AGBL2: variants seen among roughly 807,000 people sequenced by gnomAD.
AGBL2 encodes the protein AGBL carboxypeptidase 2, also known as cytosolic carboxypeptidase 2.
In AGBL2, 87 loss-of-function variants were observed where a neutral mutation model predicts 103.0. The observed-to-expected ratio is 0.84, with a 90% CI of 0.71 to 1.01. AGBL2 has a LOEUF of 1.01. Ranked by LOEUF, AGBL2 falls within the 50% of genes least tolerant of loss-of-function variation. The probability of loss-of-function intolerance (pLI) is 0.00; values close to 1 mark genes in which losing one functional copy is unlikely to be tolerated. For missense variants in AGBL2, 904 were observed against 1,023.5 expected, an observed-to-expected ratio of 0.88 and a Z score of 1.59; for synonymous variants, 335 against 356.7, an observed-to-expected ratio of 0.94 and a Z score of 0.69.
chr11:47,681,498 C>CCCA, intron 12 of AGBL2, among the ~76,000 whole-genome samples: 1 of 152,098 alleles, frequency 6.6e-6, no homozygotes, highest in African/African-American at 2.4e-5. Flanking sequence ...GACAGAGTCT[C>CCCA]GCTCTGTCAC....
chr11:47,705,655 AAAG>A lies in AGBL2; in HGVS notation c.287-24_287-22del, dbSNP rs1280500340. On this transcript the variant is annotated intron_variant, in intron 5 of 18. Transcript: ENST00000525123. ...AAAGTCTGTGTCAAAAAAAAAAAAA[AAAG>A]AAAAAGAAAAAGAAGAAAGGGAATG... 1.2e-5 allele frequency: 7 copies of A among 568,532 alleles called. No individual in the cohort carries two copies. The Admixed American group carries it at 1.2e-4, about 10-fold the overall frequency. 35.2% of individuals were successfully genotyped at this position (568,532 alleles called of 1,614,324 possible). A position where few individuals can be genotyped will look rare whatever the true frequency, so the allele number is the denominator to read the frequency against.
At chr11:47,661,303 G>A (rs547418585) in intron 18 of AGBL2, among the ~76,000 whole-genome samples, 2 of 152,226 alleles carry the variant, frequency 1.3e-5, no homozygotes, top group South Asian at 4.2e-4. Flanking sequence ...TATGGTTTTT[G>A]CTACTCATAG....
intron 3 of AGBL2, among the ~76,000 whole-genome samples, chr11:47,713,403 T>A (rs2097541231): frequency 6.9e-6 from 1 of 145,124 alleles, no homozygotes; most frequent in African/African-American, 2.5e-5. Context: ...CTCGTGCCTG[T>A]AATCCCAGCT....
chr11:47,673,942 A>G (rs894371385), intron 14 of AGBL2, among the ~76,000 whole-genome samples: 15 of 150,460 alleles, frequency 1.0e-4, no homozygotes, highest in Admixed American at 8.7e-4. Flanking sequence ...TCTACTAAAA[A>G]TTAGCCAGCC....
chr11:47,704,145 TAC>T (rs2097508852), intron 7 of AGBL2, among the ~76,000 whole-genome samples: 1 of 151,868 alleles, frequency 6.6e-6, no homozygotes, highest in Admixed American at 6.6e-5. Context: ...TCCTGCCTTA[TAC>T]TTAAGCACGT....
chr11:47,714,786 C>CA, intron 1 of AGBL2, 36 bp from the exon 2 acceptor site: 1 of 881,046 alleles, frequency 1.1e-6, no homozygotes, highest in Non-Finnish European at 1.9e-6. Flanking sequence ...AAAAAACTGC[C>CA]AATACCTCCC....
In AGBL2 at chr11:47,663,099, C is replaced by A; in HGVS notation, c.2462G>T (p.Arg821Ile). 6.3e-7 allele frequency: 1 copy of A among 1,589,932 alleles called. No individual in the cohort carries two copies. Among genetic ancestry groups the A allele is most frequent in the Non-Finnish European group, 8.5e-7 (1 of 1,174,458 alleles). The change falls in exon 18 of 19, where the codon AGA (arginine) becomes ATA (isoleucine). Residue 821 changes from arginine to isoleucine, a missense_variant. Transcript: ENST00000525123. ...GTCCAGGGGGGTGTCTTTGTCTCTT[C>A]TATTTAAATTTGTCTAAAATAAATG... ...NPRLNETNLNRRDKDTPLDPS... is the reference protein window; with the variant it reads ...NPRLNETNLNIRDKDTPLDPS...
intron 8 of AGBL2, among the ~76,000 whole-genome samples, chr11:47,692,733 A>G (rs1454523460): frequency 6.6e-6 from 1 of 151,596 alleles, no homozygotes; most frequent in Non-Finnish European, 1.5e-5. Context: ...ATTTTTTTTT[A>G]AATGAATTAT....
intron 8 of AGBL2, among the ~76,000 whole-genome samples, chr11:47,695,085 G>T (rs771548208): frequency 6.6e-6 from 1 of 152,102 alleles, no homozygotes; most frequent in Non-Finnish European, 1.5e-5. Flanking sequence ...GGGAGGCAGA[G>T]GTTGCAGTGA....
At chr11:47,674,631 A>G (rs925854944) in intron 14 of AGBL2, among the ~76,000 whole-genome samples, 11 of 151,546 alleles carry the variant, frequency 7.3e-5, no homozygotes, top group African/African-American at 2.2e-4. Context: ...TTATAGCCTT[A>G]TAGGCCATTG....
chr11:47,686,479 G>A (rs1427497875), intron 10 of AGBL2, among the ~76,000 whole-genome samples: 3 of 137,114 alleles, frequency 2.2e-5, no homozygotes, highest in African/African-American at 8.4e-5. Context: ...TGTAGAGGCA[G>A]GGTGATAGAG....
intron 8 of AGBL2, among the ~76,000 whole-genome samples, chr11:47,696,327 A>C (rs982189663): frequency 6.6e-6 from 1 of 151,604 alleles, no homozygotes; most frequent in Non-Finnish European, 1.5e-5. Context: ...CAGTGGTGTG[A>C]TCTTGCCTCA....
intron 17 of AGBL2, among the ~76,000 whole-genome samples, chr11:47,665,674 G>C (rs561122912): frequency 1.3e-5 from 2 of 152,194 alleles, no homozygotes; most frequent in African/African-American, 4.8e-5. Context: ...GGCTGGTCTT[G>C]AACTCCTGGG....
chr11:47,661,787 C>CTCTG (rs2097328740), intron 18 of AGBL2, among the ~76,000 whole-genome samples: 1 of 151,736 alleles, frequency 6.6e-6, no homozygotes, highest in Non-Finnish European at 1.5e-5. Context: ...CAGAGTCTCA[C>CTCTG]TCTGTCGCCC....
chr11:47,706,396 G>A (rs1293807019), intron 4 of AGBL2, among the ~76,000 whole-genome samples: 8 of 152,064 alleles, frequency 5.3e-5, no homozygotes, highest in African/African-American at 1.4e-4. Flanking sequence ...GGCGCCTGTA[G>A]CTCCAGCTAC....
Position 47,660,227 on chromosome 11 carries a change from T to A in AGBL2, c.2655A>T (p.Arg885Ser), listed in dbSNP as rs760841776. 3.1e-6 allele frequency: 5 copies of A among 1,614,084 alleles called. No individual in the cohort carries two copies. The African/African-American group carries it at 6.7e-5, about 22-fold the overall frequency. The stretch of plus-strand genomic sequence containing the variant: ...GGTATGCCGCCATGGCAGCACAGCC[T>A]CTCTTTGTGGCAGGATATCTGCTCC... ...WPRSRYPATK[R>S]GCAAMAAYPS... The change falls in exon 19 of 19, where the codon AGA becomes AGT. Residue 885 changes from arginine (R) to serine (S), a missense_variant. Transcript: ENST00000525123.
chr11:47,666,963 A>G lies in AGBL2; in HGVS notation c.2441T>C (p.Leu814Ser). The change falls in exon 17 of 19, where the codon TTA (leucine) becomes TCA (serine). Residue 814 changes from leucine (L) to serine (S), a missense_variant. Coordinates refer to ENST00000525123, the MANE Select transcript of AGBL2 (RefSeq NM_024783.4). ...FLPMKNENPR[L>S]NETNLNRRDK... is the part of the protein sequence containing the mutation. ...CAAAAACAAAAATACTACCTCATTT[A>G]ACCTTGGGTTTTCATTTTTCATTGG... 1 of 1,608,962 alleles carries G rather than the reference A, an allele frequency of 6.2e-7. No homozygotes were observed. The highest frequency in any genetic ancestry group is 8.5e-7 in the Non-Finnish European group (1 of 1,175,982).
chr11:47,705,958 G>A (rs759043256), intron 4 of AGBL2, 41 bp from the exon 5 acceptor site: 8 of 1,563,158 alleles, frequency 5.1e-6, no homozygotes, highest in African/African-American at 1.4e-5. Flanking sequence ...GTCAGGGATC[G>A]TTGTCTTCTT....
In AGBL2 at chr11:47,659,898, T is replaced by A. The variant is rs1220915036; in HGVS notation, c.*275A>T. ...AAAATGAGGTATATCTGTGCTGCCA[T>A]GAAGTGTGCCATGAGAACACACTTC... On this transcript the variant is annotated 3_prime_UTR_variant, in exon 19 of 19. Coordinates refer to ENST00000525123, the MANE Select transcript of AGBL2 (RefSeq NM_024783.4). 3.2e-6 allele frequency: 1 copy of A among 314,548 alleles called. No individual in the cohort carries two copies. Among genetic ancestry groups the A allele is most frequent in the Admixed American group, 4.8e-5 (1 of 20,870 alleles). 19.5% of individuals were successfully genotyped at this position (314,548 alleles called of 1,614,324 possible). A position where few individuals can be genotyped will look rare whatever the true frequency, so the allele number is the denominator to read the frequency against.
Sources: gnomAD v4.1 joint callset for allele counts (sites outside exome capture counted in the v4.1 genomes callset) on GRCh38, gnomAD v4.1.1 for gene constraint, MANE v1.5 for transcripts, NCBI Gene and HGNC (gene_info 2026-07-23, HGNC 2026-07-21) for gene names.